UGT2B11: variants seen among roughly 807,000 people sequenced by gnomAD.
UGT2B11 encodes UDP-glucuronosyltransferase 2B11.
Under a neutral mutation model 51.7 loss-of-function variants are expected in UGT2B11, and 49 were observed. That is an observed-to-expected ratio of 0.95 (90% CI 0.75 to 1.20). The LOEUF (loss-of-function observed/expected upper bound fraction) is 1.20, where lower values mean the gene tolerates loss of function less well. Among genes scored for constraint, UGT2B11 ranks in the 50% most tolerant of loss-of-function variants. The probability of loss-of-function intolerance (pLI) is 0.00; values close to 1 mark genes in which losing one functional copy is unlikely to be tolerated. For missense variants in UGT2B11, 810 were observed against 622.1 expected, an observed-to-expected ratio of 1.30 and a Z score of -3.21; for synonymous variants, 273 against 209.0, an observed-to-expected ratio of 1.31 and a Z score of -2.64.
At chr4:69,203,906 TTATA>T (rs200492010) in intron 5 of UGT2B11, among the ~76,000 whole-genome samples, 8,583 of 151,638 alleles carry the variant, frequency 0.057, 267 homozygotes, top group South Asian at 0.12. Flanking sequence ...TGTTCTAAAA[TTATA>T]TATATAATGG....
chr4:69,200,508 T>A lies in UGT2B11; in HGVS notation c.1522A>T (p.Ile508Phe), dbSNP rs779659537. The A allele has an allele frequency of 9.9e-6, 16 of 1,609,682 alleles. No homozygotes were observed. Among genetic ancestry groups the A allele is most frequent in the Non-Finnish European group, 1.1e-5 (13 of 1,178,142 alleles). ...LACVATVIFI[I>F]TKFCLFCFWK... is the part of the protein sequence containing the mutation. ...AAACAAAACAGACAAAACTTTGTGA[T>A]GATAAATATCACAGTTGCCACACAG... Residue 508 changes from isoleucine (I) to phenylalanine (F), a missense_variant, in exon 6 of 6, where the codon ATC (isoleucine) becomes TTC (phenylalanine). Ile to Phe is a conservative substitution (Grantham distance 21). Coordinates refer to ENST00000446444, the MANE Select transcript of UGT2B11 (RefSeq NM_001073.3).
rs770458111 is a variant in UGT2B11 at position 69,204,550 on chromosome 4, A to G, written c.1190T>C (p.Phe397Ser). ...GIPMVGIPLF[F>S]DQPDNIAHMK... ...GTGAGCAATGTTATCAGGTTGATCA[A>G]AAAACAATGGAATGCCCACCATAGG... The change falls in exon 5 of 6, where the codon TTT (phenylalanine) becomes TCT (serine). Residue 397 changes from phenylalanine to serine, a missense_variant. Coordinates refer to ENST00000446444, the MANE Select transcript of UGT2B11 (RefSeq NM_001073.3). 8 of 1,612,276 alleles carry G rather than the reference A, an allele frequency of 5.0e-6. No homozygotes were observed. In the Admixed American group the frequency reaches 1.2e-4, roughly 24 times the overall value.
chr4:69,209,909 G>T (rs1721995456), intron 2 of UGT2B11, among the ~76,000 whole-genome samples: 1 of 151,410 alleles, frequency 6.6e-6, no homozygotes, highest in Admixed American at 6.6e-5. Context: ...ATTAATGTAA[G>T]AAATTGTATA....
intron 2 of UGT2B11, 78 bp from the exon 3 acceptor site, chr4:69,208,560 A>G (rs1300945085): frequency 1.3e-6 from 2 of 1,554,456 alleles, no homozygotes. Context: ...ACCAAATATT[A>G]AAGAGAGAAA....
rs1721612112 is a variant in UGT2B11, at chr4:69,200,517, T to G, written c.1513A>C (p.Ile505Leu). ...AGACAAAACTTTGTGATGATAAATA[T>G]CACAGTTGCCACACAGGCCAGCAGA... ...GFLLACVATVIFIITKFCLFC... is the reference protein window; with the variant it reads ...GFLLACVATVLFIITKFCLFC... The change falls in exon 6 of 6, where the codon ATA becomes CTA. Residue 505 changes from isoleucine (I) to leucine (L), a missense_variant. By Grantham distance (5) the Ile-to-Leu change is conservative. Transcript: ENST00000446444. 5 of 1,612,224 alleles carry G rather than the reference T, an allele frequency of 3.1e-6. No individual in the cohort carries two copies. The highest frequency in any genetic ancestry group is 1.7e-4 in the Middle Eastern group (1 of 6,044).
At chr4:69,218,982 T>C (rs554719020), upstream of UGT2B11, among the ~76,000 whole-genome samples, 159 of 152,190 alleles carry the variant, frequency 1.0e-3, no homozygotes, top group African/African-American at 3.7e-3. Flanking sequence ...CTACTATTCC[T>C]TTGACTCACC....
At chr4:69,212,472 C>A in intron 2 of UGT2B11, 101 bp downstream of exon 2, 1 of 1,542,778 alleles carries the variant, frequency 6.5e-7, no homozygotes, top group Non-Finnish European at 8.7e-7. Flanking sequence ...TACTTCCCAT[C>A]TTTCTTTCAG....
intron 5 of UGT2B11, chr4:69,204,211 T>C: frequency 2.0e-6 from 1 of 507,150 alleles, no homozygotes; most frequent in Non-Finnish European, 3.2e-6. Context: ...TTATTTTTGT[T>C]TAGAAAATTG....
At chr4:69,201,690 C>T (rs1721665216) in intron 5 of UGT2B11, among the ~76,000 whole-genome samples, 1 of 151,718 alleles carries the variant, frequency 6.6e-6, no homozygotes, top group Non-Finnish European at 1.5e-5. Context: ...AGTGTTACCT[C>T]TAAGAGAGGC....
chr4:69,208,396 T>A lies in UGT2B11; in HGVS notation c.957A>T (p.Glu319Asp), dbSNP rs1221444850. The change falls in exon 3 of 6, where the codon GAA becomes GAT. Residue 319 changes from glutamate (E) to aspartate (D), a missense_variant. Coordinates refer to ENST00000446444, the MANE Select transcript of UGT2B11 (RefSeq NM_001073.3). ...LGSVISNMTA[E>D]RANVIATALA... is the part of the protein sequence containing the mutation. Reference sequence around the variant, plus strand: ...GGGCTGTTGCAATTACATTGGCCCTTTCTGCTGTCATGTTACTTATCACTG... The same window carrying A: ...GGGCTGTTGCAATTACATTGGCCCTATCTGCTGTCATGTTACTTATCACTG... 36 of 1,610,950 alleles carry A rather than the reference T, an allele frequency of 2.2e-5. No individual in the cohort carries two copies. The highest frequency in any genetic ancestry group is 2.8e-5 in the Non-Finnish European group (33 of 1,178,202).
At chr4:69,211,894 G>A (rs1403264754) in intron 2 of UGT2B11, among the ~76,000 whole-genome samples, 2 of 151,410 alleles carry the variant, frequency 1.3e-5, no homozygotes, top group South Asian at 2.1e-4. Flanking sequence ...CTACTAATAT[G>A]TATCCGGCTC....
At chr4:69,224,561 A>G in the UGT2B11 span, among the ~76,000 whole-genome samples, 1 of 152,080 alleles carries the variant, frequency 6.6e-6, no homozygotes, top group Non-Finnish European at 1.5e-5. Flanking sequence ...CTAAGGAAGG[A>G]CAGGACAGAA....
chr4:69,219,638 G>A (rs1433043867), upstream of UGT2B11, among the ~76,000 whole-genome samples: 1 of 152,168 alleles, frequency 6.6e-6, no homozygotes, highest in Non-Finnish European at 1.5e-5. Context: ...GAGAAGCAAT[G>A]TTATGTAATA....
chr4:69,204,788 G>C, intron 4 of UGT2B11, 139 bp from the exon 5 acceptor site: 2 of 1,351,640 alleles, frequency 1.5e-6, no homozygotes, highest in South Asian at 1.3e-5. Context: ...AGATGAAAAA[G>C]CACGTACTTG....
intron 3 of UGT2B11, among the ~76,000 whole-genome samples, chr4:69,206,395 T>C (rs1320718779): frequency 1.3e-5 from 2 of 151,654 alleles, no homozygotes; most frequent in Admixed American, 1.3e-4. Flanking sequence ...ATGTGACATG[T>C]CCTCACTTAT....
Position 69,212,615 on chromosome 4 carries a change from A to G in UGT2B11, c.828T>C (p.Phe276=). 1.2e-6 allele frequency: 2 copies of G among 1,609,820 alleles called. No homozygotes were observed. The highest frequency in any genetic ancestry group is 1.7e-5 in the Admixed American group (1 of 59,706). ...FPHPFLPNVD[F]VGGFHCKPAK... is the part of the protein sequence containing the mutation. ...CAGGTTTGCAGTGGAATCCTCCAACAAAATCAACGTTTGGTAAGAATGGAT... is the reference window on the plus strand; with the variant it reads ...CAGGTTTGCAGTGGAATCCTCCAACGAAATCAACGTTTGGTAAGAATGGAT... The change falls in exon 2 of 6, where the codon TTT becomes TTC. Residue 276 remains phenylalanine (F), a synonymous_variant. Coordinates refer to ENST00000446444, the MANE Select transcript of UGT2B11 (RefSeq NM_001073.3).
chr4:69,206,326 A>T (rs961023725), intron 3 of UGT2B11, among the ~76,000 whole-genome samples: 1 of 151,708 alleles, frequency 6.6e-6, no homozygotes, highest in Non-Finnish European at 1.5e-5. Flanking sequence ...TTTTGCAGGG[A>T]TAAGGATGGA....
upstream of UGT2B11, among the ~76,000 whole-genome samples, chr4:69,218,312 G>T (rs1378965128): frequency 6.6e-6 from 1 of 152,068 alleles, no homozygotes; most frequent in Admixed American, 6.6e-5. Flanking sequence ...ACTACCAGTT[G>T]TAAGGAGAAT....
At chr4:69,207,803 T>G (rs564018408) in intron 3 of UGT2B11, among the ~76,000 whole-genome samples, 3 of 151,618 alleles carry the variant, frequency 2.0e-5, no homozygotes, top group African/African-American at 7.2e-5. Context: ...GTACGGTAAG[T>G]AATAGAGGTG....
Sources: allele counts gnomAD v4.1 joint callset (sites outside exome capture counted in the v4.1 genomes callset), GRCh38; gene constraint gnomAD v4.1.1; transcripts MANE v1.5; gene names NCBI Gene and HGNC (gene_info 2026-07-23, HGNC 2026-07-21).